The following SGCD variants were observed in gnomAD, a reference collection of about 807,000 sequenced individuals.
The protein encoded by SGCD is sarcoglycan delta.
In SGCD, 18 loss-of-function variants were observed where a neutral mutation model predicts 36.6. The ratio of observed to expected loss-of-function variants is 0.49; its 90% confidence interval spans 0.34 to 0.73. SGCD has a LOEUF of 0.73. Ranked by LOEUF, SGCD falls within the 30% of genes least tolerant of loss-of-function variation. SGCD has a pLI of 0.01. For synonymous variants in SGCD, 133 were observed against 130.6 expected, an observed-to-expected ratio of 1.02 and a Z score of -0.12; for missense variants, 387 against 346.7, an observed-to-expected ratio of 1.12 and a Z score of -0.92.
intron 7 of SGCD, among the ~76,000 whole-genome samples, chr5:156,677,813 CAG>C: frequency 6.6e-6 from 1 of 152,314 alleles, no homozygotes; most frequent in South Asian, 2.1e-4. Flanking sequence ...GTAGGAATCT[CAG>C]TGTCACATTG....
At chr5:156,575,671 A>G (rs906508619) in intron 4 of SGCD, among the ~76,000 whole-genome samples, 3 of 152,238 alleles carry the variant, frequency 2.0e-5, no homozygotes, top group African/African-American at 7.2e-5. Flanking sequence ...AACCATAGAT[A>G]GCTAAGTCAT....
chr5:156,090,948 T>A (rs928146719), intron 1 of SGCD, among the ~76,000 whole-genome samples: 1 of 152,240 alleles, frequency 6.6e-6, no homozygotes, highest in Non-Finnish European at 1.5e-5. Context: ...TATGGTTATT[T>A]TTCCTTGTTC....
intron 3 of SGCD, among the ~76,000 whole-genome samples, chr5:156,160,672 C>T (rs1039429828): frequency 1.3e-5 from 2 of 151,572 alleles, no homozygotes; most frequent in Admixed American, 1.3e-4. Context: ...AGCATTTACG[C>T]CTTTAGCCTT....
chr5:155,735,791 G>C, the SGCD span, among the ~76,000 whole-genome samples: 6 of 152,176 alleles, frequency 3.9e-5, no homozygotes, highest in African/African-American at 1.4e-4. Flanking sequence ...GAGCATCTTG[G>C]CAGGTCCTAG....
chr5:156,103,521 A>G (rs952249173), intron 1 of SGCD, among the ~76,000 whole-genome samples: 4 of 152,144 alleles, frequency 2.6e-5, no homozygotes, highest in African/African-American at 9.7e-5. Context: ...AAAAATGTAC[A>G]TGATCTTTTT....
intron 3 of SGCD, among the ~76,000 whole-genome samples, chr5:156,167,240 T>C (rs1763235922): frequency 6.6e-6 from 1 of 152,214 alleles, no homozygotes; most frequent in Non-Finnish European, 1.5e-5. Context: ...CAGTACCCAC[T>C]ATTCTCATAG....
rs144243375 is a variant in SGCD, at chr5:156,767,677, G to A, written c.*8287G>A. The A allele has an allele frequency of 6.6e-6, 1 of 152,160 alleles. No individual in the cohort carries two copies. The highest frequency in any genetic ancestry group is 1.9e-4 in the East Asian group (1 of 5,186). The allele number at this position is 152,160 out of a possible 1,614,324, so 9.4% of individuals were successfully genotyped here. On this transcript the variant is annotated 3_prime_UTR_variant, in exon 9 of 9. Transcript: ENST00000337851. ...ATTTCAATAATGCTATGAATTACAA[G>A]GAACTATTTTAACTTTATTACACTT...
At chr5:156,434,114 T>A (rs911796308) in intron 3 of SGCD, among the ~76,000 whole-genome samples, 3 of 152,204 alleles carry the variant, frequency 2.0e-5, no homozygotes, top group African/African-American at 7.2e-5. Flanking sequence ...CAGAGCCACC[T>A]GGAAAGGCAG....
intron 3 of SGCD, among the ~76,000 whole-genome samples, chr5:156,457,524 T>C (rs1754312098): frequency 6.6e-6 from 1 of 152,234 alleles, no homozygotes; most frequent in South Asian, 2.1e-4. Context: ...TATTTGGGGA[T>C]ATTTAGTGAA....
chr5:155,991,819 C>T (rs143876046), intron 1 of SGCD, among the ~76,000 whole-genome samples: 219 of 152,264 alleles, frequency 1.4e-3, no homozygotes, highest in African/African-American at 4.8e-3. Context: ...TTACTTAAGG[C>T]GAACTCCACA....
intron 1 of SGCD, among the ~76,000 whole-genome samples, chr5:156,086,397 A>C (rs1294510663): frequency 6.6e-6 from 1 of 152,238 alleles, no homozygotes; most frequent in Non-Finnish European, 1.5e-5. Flanking sequence ...TTGCAGAGCT[A>C]GCAGTAGAGA....
the SGCD span, among the ~76,000 whole-genome samples, chr5:155,747,204 G>T: frequency 1.3e-5 from 2 of 152,152 alleles, no homozygotes; most frequent in African/African-American, 4.8e-5. Context: ...TAAAAGGAAA[G>T]AAATTTAAAC....
chr5:155,767,025 C>G, the SGCD span, among the ~76,000 whole-genome samples: 1 of 152,218 alleles, frequency 6.6e-6, no homozygotes, highest in South Asian at 2.1e-4. Context: ...CCTTGAATGA[C>G]TGGGTTGTGG....
intron 7 of SGCD, among the ~76,000 whole-genome samples, chr5:156,661,638 C>T (rs1257580640): frequency 9.5e-5 from 14 of 147,124 alleles, no homozygotes; most frequent in African/African-American, 3.4e-4. Flanking sequence ...TAAAGGTTCA[C>T]GTCTGGTAAT....
chr5:155,848,282 C>A, the SGCD span, among the ~76,000 whole-genome samples: 1 of 152,120 alleles, frequency 6.6e-6, no homozygotes, highest in African/African-American at 2.4e-5. Flanking sequence ...TACCTACAGG[C>A]CACATGGACT....
At chr5:155,825,728 GTTTTTTT>G in the SGCD span, among the ~76,000 whole-genome samples, 2 of 147,012 alleles carry the variant, frequency 1.4e-5, no homozygotes, top group Admixed American at 6.8e-5. Flanking sequence ...TTTATTATTT[GTTTTTTT>G]TTTTTTGTTG....
the SGCD span, among the ~76,000 whole-genome samples, chr5:155,841,941 A>G: frequency 5.3e-5 from 8 of 152,276 alleles, no homozygotes; most frequent in African/African-American, 1.9e-4. Flanking sequence ...TGGCCCAACT[A>G]GATCAATAGA....
chr5:156,637,213 T>C (rs1369298275), intron 6 of SGCD, among the ~76,000 whole-genome samples: 1 of 152,146 alleles, frequency 6.6e-6, no homozygotes, highest in Non-Finnish European at 1.5e-5. Flanking sequence ...GAAGGACATA[T>C]TTGCATCCCC....
At chr5:156,362,887 TTTAA>T (rs1482037374) in intron 3 of SGCD, among the ~76,000 whole-genome samples, 1 of 152,188 alleles carries the variant, frequency 6.6e-6, no homozygotes, top group African/African-American at 2.4e-5. Flanking sequence ...ATTATTTGCA[TTTAA>T]TTAAGGGGTA....
Sources: gnomAD v4.1 joint callset for allele counts (sites outside exome capture counted in the v4.1 genomes callset) on GRCh38, gnomAD v4.1.1 for gene constraint, MANE v1.5 for transcripts, NCBI Gene and HGNC (gene_info 2026-07-23, HGNC 2026-07-21) for gene names.